Variants in SLC20A1 observed in about 807,000 individuals in gnomAD.
SLC20A1 encodes solute carrier family 20 member 1, also known as sodium-dependent phosphate transporter 1.
SLC20A1 carries 28 observed loss-of-function variants against 62.7 expected under a neutral mutation model. That is an observed-to-expected ratio of 0.45 (90% confidence interval 0.33 to 0.61). The LOEUF (loss-of-function observed/expected upper bound fraction) is 0.61, where lower values mean the gene tolerates loss of function less well. Ranked by LOEUF, SLC20A1 falls within the 20% of genes least tolerant of loss-of-function variation. The pLI is 0.02. For missense variants in SLC20A1, 673 were observed against 838.6 expected (o/e 0.80, Z 2.44); for synonymous variants, 305 against 302.9 (o/e 1.01, Z -0.07).
At chr2:112,660,596 C>A in intron 9 of SLC20A1, 24 bp downstream of exon 9, 1 of 1,599,726 alleles carries the variant, frequency 6.3e-7, no homozygotes, top group Non-Finnish European at 8.5e-7. Context: ...GCAGGTTCTA[C>A]AAATGTCAGT....
intron 6 of SLC20A1, among the ~76,000 whole-genome samples, chr2:112,658,111 C>T (rs1469517854): frequency 6.6e-6 from 1 of 152,146 alleles, no homozygotes; most frequent in African/African-American, 2.4e-5. Context: ...ACGGTGGGAA[C>T]CAGGCTTTCA....
intron 5 of SLC20A1, chr2:112,653,249 A>G (rs930292404): frequency 8.7e-6 from 2 of 230,062 alleles, no homozygotes; most frequent in African/African-American, 4.5e-5. Context: ...ATCTGCTTGA[A>G]TGAGAAGAGT....
At position 112,659,751 on chromosome 2, in the gene SLC20A1, C is replaced by T. The variant is rs142327366; in HGVS notation, c.1596C>T (p.Gly532=). 33 of 1,611,900 alleles carry T rather than the reference C, an allele frequency of 2.0e-5. No homozygotes were observed. In the African/African-American group the frequency reaches 4.4e-4, roughly 22 times the overall value. ...TACFGSFAHG[G]NDVSNAIGPL... is the part of the protein sequence containing the mutation. Reference sequence around the variant, plus strand: ...GCTTTGGGTCATTCGCCCATGGTGGCAATGACGTAAGGTCAGTTGACATTG... The same window carrying T: ...GCTTTGGGTCATTCGCCCATGGTGGTAATGACGTAAGGTCAGTTGACATTG... Residue 532 remains glycine, a synonymous_variant, in exon 8 of 11, where the codon GGC becomes GGT. Transcript: ENST00000272542.
intron 5 of SLC20A1, among the ~76,000 whole-genome samples, chr2:112,655,956 CT>C (rs1179966569): frequency 2.0e-5 from 3 of 152,144 alleles, no homozygotes; most frequent in African/African-American, 7.2e-5. Flanking sequence ...CTGTCTCAGC[CT>C]CCCAAAGTGC....
At chr2:112,652,475 AGTCTT>A in intron 4 of SLC20A1, 1 of 565,196 alleles carries the variant, frequency 1.8e-6, no homozygotes, top group Non-Finnish European at 3.1e-6. Flanking sequence ...TGGTACAGTT[AGTCTT>A]GTTATTAAAA....
At chr2:112,661,994 A>T (rs1441667879) in intron 10 of SLC20A1, among the ~76,000 whole-genome samples, 1 of 152,184 alleles carries the variant, frequency 6.6e-6, no homozygotes, top group Non-Finnish European at 1.5e-5. Context: ...CAAGTCTGTG[A>T]GGCTTGCCAA....
chr2:112,661,360 G>A (rs929284831), intron 10 of SLC20A1, 134 bp downstream of exon 10: 3 of 601,772 alleles, frequency 5.0e-6, no homozygotes, highest in Non-Finnish European at 8.8e-6. Flanking sequence ...GTTATTTCTT[G>A]TGTTTATTCT....
Position 112,663,144 on chromosome 2 carries a change from AGAG to A in SLC20A1, c.*124_*126del. On this transcript the variant is annotated 3_prime_UTR_variant, in exon 11 of 11. Coordinates refer to ENST00000272542, the MANE Select transcript of SLC20A1 (RefSeq NM_005415.5). The stretch of plus-strand genomic sequence containing the variant: ...ACAAGAGTCTTTTTATTTGGGAGCC[AGAG>A]GAGGGAAGTGTTACTTGTGCTATAA... The A allele has an allele frequency of 8.7e-7, 1 of 1,151,846 alleles. No individual in the cohort carries two copies. The highest frequency in any genetic ancestry group is 1.3e-6 in the Non-Finnish European group (1 of 760,460). The allele number at this position is 1,151,846 out of a possible 1,614,324, so 71.4% of individuals were successfully genotyped here.
intron 6 of SLC20A1, 109 bp from the exon 7 acceptor site, chr2:112,658,716 C>A: frequency 8.4e-7 from 1 of 1,192,864 alleles, no homozygotes; most frequent in Non-Finnish European, 1.2e-6. Flanking sequence ...TTGAAGTTCA[C>A]ATACATTCTT....
At position 112,659,202 on chromosome 2, in the gene SLC20A1, A is replaced by G; in HGVS notation, c.1049-2A>G. The G allele has an allele frequency of 1.9e-6, 3 of 1,609,730 alleles. No homozygotes were observed. The highest frequency in any genetic ancestry group is 2.5e-6 in the Non-Finnish European group (3 of 1,176,494). On this transcript the variant is annotated splice_acceptor_variant, in intron 7 of 10. Coordinates refer to ENST00000272542, the MANE Select transcript of SLC20A1 (RefSeq NM_005415.5). LOFTEE classifies it high-confidence loss of function. Reference sequence around the variant, plus strand: ...GAATGTCACCTTGGTGATCTTGACTAGGTGCAGTGCAGTTGCCTAATGGGA... The same window carrying G: ...GAATGTCACCTTGGTGATCTTGACTGGGTGCAGTGCAGTTGCCTAATGGGA...
intron 4 of SLC20A1, among the ~76,000 whole-genome samples, chr2:112,650,884 A>T (rs1686415804): frequency 6.6e-6 from 1 of 152,058 alleles, no homozygotes; most frequent in African/African-American, 2.4e-5. Flanking sequence ...ATCCTCCCAA[A>T]GTGCTAGGAT....
At chr2:112,661,680 C>G (rs1359667723) in intron 10 of SLC20A1, among the ~76,000 whole-genome samples, 1 of 152,104 alleles carries the variant, frequency 6.6e-6, no homozygotes, top group African/African-American at 2.4e-5. Flanking sequence ...TCTCAAGTAG[C>G]TGGGATTATA....
Position 112,659,016 on chromosome 2 carries a change from T to C in SLC20A1, c.970T>C (p.Leu324=). The change falls in exon 7 of 11, where the codon TTG becomes CTG. Residue 324 remains leucine, a synonymous_variant. Transcript: ENST00000272542. ...AACAGTCTCATTCAAACTTGGAGAT[T>C]TGGAGGAAGCTCCAGAGAGAGAGAG... ...ERTVSFKLGD[L]EEAPERERLP... 1.2e-6 allele frequency: 2 copies of C among 1,614,180 alleles called. No homozygotes were observed. Among genetic ancestry groups the C allele is most frequent in the East Asian group, 2.2e-5 (1 of 44,884 alleles).
Position 112,659,700 on chromosome 2 carries a change from C to T in SLC20A1, c.1545C>T (p.Phe515=). Residue 515 remains phenylalanine (F), a synonymous_variant, in exon 8 of 11, where the codon TTC becomes TTT. Coordinates refer to ENST00000272542, the MANE Select transcript of SLC20A1 (RefSeq NM_005415.5). ...DQDKPEVSLL[F]QFLQILTACF... Reference sequence around the variant, plus strand: ...ATAAGCCTGAAGTCTCTCTCCTCTTCCAGTTCCTGCAGATCCTTACAGCCT... The same window carrying T: ...ATAAGCCTGAAGTCTCTCTCCTCTTTCAGTTCCTGCAGATCCTTACAGCCT... 31 of 1,614,238 alleles carry T rather than the reference C, an allele frequency of 1.9e-5. No homozygotes were observed. Among genetic ancestry groups the T allele is most frequent in the Non-Finnish European group, 2.5e-5 (30 of 1,180,022 alleles).
In SLC20A1 at chr2:112,647,041, A is replaced by G. The variant is rs796558782; in HGVS notation, c.213A>G (p.Thr71=). ...QACILASIFE[T]VGSVLLGAKV... ...GCATCCTAGCTAGCATCTTTGAAAC[A>G]GTGGGCTCTGTCTTACTGGGGGCCA... The change falls in exon 2 of 11, where the codon ACA becomes ACG. Residue 71 remains threonine, a synonymous_variant. Transcript: ENST00000272542. The G allele has an allele frequency of 5.6e-6, 9 of 1,614,152 alleles. No individual in the cohort carries two copies. The East Asian group carries it at 1.8e-4, about 32-fold the overall frequency.
chr2:112,655,523 G>GT (rs35686702), intron 5 of SLC20A1, among the ~76,000 whole-genome samples: 7 of 136,224 alleles, frequency 5.1e-5, no homozygotes, highest in African/African-American at 1.9e-4. Flanking sequence ...TCTTTTATGG[G>GT]TTTTTTTTTT....
At chr2:112,652,854 A>G in intron 5 of SLC20A1, 56 bp downstream of exon 5, 3 of 1,613,204 alleles carry the variant, frequency 1.9e-6, no homozygotes, top group East Asian at 4.5e-5. Flanking sequence ...CAAAACTTGC[A>G]TTAAATGCCC....
intron 4 of SLC20A1, chr2:112,652,365 G>T: frequency 3.2e-6 from 1 of 314,780 alleles, no homozygotes; most frequent in Non-Finnish European, 5.9e-6. Context: ...CAAACGTAGA[G>T]TATAGCCTAT....
In SLC20A1 at chr2:112,659,067, G is replaced by A; in HGVS notation, c.1021G>A (p.Glu341Lys). The A allele has an allele frequency of 6.2e-7, 1 of 1,614,092 alleles. No individual in the cohort carries two copies. The highest frequency in any genetic ancestry group is 8.5e-7 in the Non-Finnish European group (1 of 1,180,022). Residue 341 changes from glutamate (E) to lysine (K), a missense_variant, in exon 7 of 11, where the codon GAA becomes AAA. Transcript: ENST00000272542. The part of the protein sequence containing the change: ...ERLPSVDLKE[E>K]TSIDSTVNGA... Reference sequence around the variant, plus strand: ...GCTTCCCAGCGTGGACTTGAAAGAGGAAACCAGCATAGATAGCACCGTGAA... The same window carrying A: ...GCTTCCCAGCGTGGACTTGAAAGAGAAAACCAGCATAGATAGCACCGTGAA...
Sources: allele counts gnomAD v4.1 joint callset (sites outside exome capture counted in the v4.1 genomes callset), GRCh38; gene constraint gnomAD v4.1.1; transcripts MANE v1.5; gene names NCBI Gene and HGNC (gene_info 2026-07-23, HGNC 2026-07-21).